The following CACNA1A variants were observed in gnomAD, a reference collection of about 807,000 sequenced individuals.
CACNA1A encodes calcium voltage-gated channel subunit alpha1 A, also known as voltage-dependent P/Q-type calcium channel subunit alpha-1A.
In CACNA1A, 57 loss-of-function variants were observed where a neutral mutation model predicts 262.4. That is an observed-to-expected ratio of 0.22 (90% confidence interval 0.18 to 0.27). The LOEUF is 0.27. Among genes scored for constraint, CACNA1A ranks in the 10% least tolerant of loss-of-function variants. The pLI is 1.00. For missense variants in CACNA1A, 2,526 were observed against 3,562.8 expected, an observed-to-expected ratio of 0.71 and a Z score of 7.41; for synonymous variants, 1,431 against 1,419.3, an observed-to-expected ratio of 1.01 and a Z score of -0.18.
chr19:13,321,681 T>C (rs1301631879), intron 10 of CACNA1A, among the ~76,000 whole-genome samples: 1 of 150,924 alleles, frequency 6.6e-6, no homozygotes, highest in Non-Finnish European at 1.5e-5. Flanking sequence ...TATCTAAACA[T>C]AGAAAAGGTA....
At chr19:13,386,391 G>A (rs887602420) in intron 3 of CACNA1A, among the ~76,000 whole-genome samples, 2 of 152,214 alleles carry the variant, frequency 1.3e-5, no homozygotes, top group South Asian at 4.1e-4. Flanking sequence ...TTTTTTCCCC[G>A]TGAGATGAGT....
chr19:13,378,323 A>G (rs1319639689), intron 3 of CACNA1A, among the ~76,000 whole-genome samples: 1 of 152,220 alleles, frequency 6.6e-6, no homozygotes, highest in African/African-American at 2.4e-5. Flanking sequence ...ACAACATGAG[A>G]TTTAGAATAT....
At chr19:13,397,165 G>C (rs946610882) in intron 3 of CACNA1A, among the ~76,000 whole-genome samples, 3 of 152,168 alleles carry the variant, frequency 2.0e-5, no homozygotes, top group African/African-American at 4.8e-5. Context: ...CTGCCCACCT[G>C]AAGACCTTGA....
In CACNA1A at chr19:13,304,140, A is replaced by G. The variant is rs147188028; in HGVS notation, c.1987-256T>C. 5.4e-3 allele frequency among the ~76,000 whole-genome samples: 825 copies of G among 152,194 alleles called. 12 individuals are homozygous for G. The highest frequency in any genetic ancestry group is 0.019 in the African/African-American group (799 of 41,520). ...AGGAAAATGGGACCCTGGAGGAGTC[A>G]CAGACCCTCCTGTAACTCTGTCTTA... On this transcript the variant is annotated intron_variant, in intron 15 of 46. Coordinates refer to ENST00000360228, the MANE Select transcript of CACNA1A (RefSeq NM_001127222.2).
intron 19 of CACNA1A, among the ~76,000 whole-genome samples, chr19:13,296,103 A>C (rs1299395040): frequency 6.6e-6 from 1 of 152,164 alleles, no homozygotes; most frequent in Non-Finnish European, 1.5e-5. Context: ...TGTCCTCCAG[A>C]GTCTCATTAC....
intron 3 of CACNA1A, among the ~76,000 whole-genome samples, chr19:13,374,927 T>G (rs1398025263): frequency 6.6e-6 from 1 of 152,186 alleles, no homozygotes; most frequent in Non-Finnish European, 1.5e-5. Context: ...TGCCTTGGCC[T>G]CCCAAAGTGC....
At chr19:13,443,783 G>A (rs2060764961) in intron 3 of CACNA1A, among the ~76,000 whole-genome samples, 1 of 152,140 alleles carries the variant, frequency 6.6e-6, no homozygotes, top group African/African-American at 2.4e-5. Context: ...CACAGGCCCA[G>A]TATTATTCTA....
chr19:13,417,154 A>T (rs1423704494), intron 3 of CACNA1A, among the ~76,000 whole-genome samples: 1 of 152,162 alleles, frequency 6.6e-6, no homozygotes, highest in Non-Finnish European at 1.5e-5. Flanking sequence ...CCACTCGTCC[A>T]GGTCAGAAAG....
intron 19 of CACNA1A, among the ~76,000 whole-genome samples, chr19:13,288,232 TTTC>T (rs1050657913): frequency 6.8e-6 from 1 of 146,554 alleles, no homozygotes; most frequent in African/African-American, 2.5e-5. Flanking sequence ...TTTCTTTCTT[TTTC>T]TTTTTTCTTT....
In CACNA1A at chr19:13,365,456, G is replaced by A; in HGVS notation, c.645C>T (p.Val215=). 6.2e-7 allele frequency: 1 copy of A among 1,613,676 alleles called. No individual in the cohort carries two copies. The highest frequency in any genetic ancestry group is 8.5e-7 in the Non-Finnish European group (1 of 1,179,748). ...LVSGIPSLQV[V]LKSIMKAMIP... Reference sequence around the variant, plus strand: ...TCATCGCCTTCATGATCGACTTCAGGACGACTTGTAAACCTGGGGGGACAC... The same window carrying A: ...TCATCGCCTTCATGATCGACTTCAGAACGACTTGTAAACCTGGGGGGACAC... The change falls in exon 5 of 47, where the codon GTC becomes GTT. Residue 215 remains valine (V), a synonymous_variant. Transcript: ENST00000360228.
intron 28 of CACNA1A, among the ~76,000 whole-genome samples, chr19:13,255,665 C>CTT: frequency 6.7e-6 from 1 of 150,248 alleles, no homozygotes; most frequent in African/African-American, 2.5e-5. Flanking sequence ...TTCCTCCCTC[C>CTT]CTCGCTCCCT....
At position 13,207,568 on chromosome 19, in the gene CACNA1A, G is replaced by A. The variant is rs2054613145; in HGVS notation, c.7266C>T (p.Gly2422=). 2.7e-6 allele frequency: 4 copies of A among 1,471,538 alleles called. No individual in the cohort carries two copies. Among genetic ancestry groups the A allele is most frequent in the Admixed American group, 2.3e-5 (1 of 43,608 alleles). The allele number at this position is 1,471,538 out of a possible 1,614,324, so 91.2% of individuals were successfully genotyped here. Residue 2422 remains glycine (G), a synonymous_variant, in exon 47 of 47, where the codon GGC becomes GGT. Coordinates refer to ENST00000360228, the MANE Select transcript of CACNA1A (RefSeq NM_001127222.2). This position sits in a 1 kb window ranked among gnomAD's most constrained non-coding sequence, Gnocchi z 5.7. ...CCATGGCCTCCTCGCCGCCCCCGCT[G>A]CCCGGGCCATCGGCCTCGTCGTAGT... ...GSDYDEADGP[G]SGGGEEAMAG... is the part of the protein sequence containing the mutation.
In CACNA1A at chr19:13,484,054, A is replaced by G. The variant is rs147919057; in HGVS notation, c.293+21878T>C. Among the ~76,000 whole-genome samples, 6 of 152,256 alleles carry G rather than the reference A, an allele frequency of 3.9e-5. No homozygotes were observed. In the East Asian group the frequency reaches 1.2e-3, roughly 29 times the overall value. ...TTTGGGGATTGGGTGTGTGAGCTTG[A>G]GTAATTGGGATTGGGCTGAAAGTCC... On this transcript the variant is annotated intron_variant, in intron 1 of 46. Transcript: ENST00000360228.
intron 10 of CACNA1A, among the ~76,000 whole-genome samples, chr19:13,321,619 G>A (rs1336903618): frequency 6.6e-6 from 1 of 152,108 alleles, no homozygotes; most frequent in African/African-American, 2.4e-5. Flanking sequence ...GCATGTTACT[G>A]TACTTAATAC....
At position 13,452,724 on chromosome 19, in the gene CACNA1A, G is replaced by T. The variant is rs74382623; in HGVS notation, c.539+152C>A. On this transcript the variant is annotated intron_variant, in intron 3 of 46. Coordinates refer to ENST00000360228, the MANE Select transcript of CACNA1A (RefSeq NM_001127222.2). ...TGTAATATACAGCTGAGACATGGAG[G>T]TGGGGTGTTGGCAGAAAGGAGGCAG... The T allele has an allele frequency of 0.017, 10,895 of 659,286 alleles. 127 individuals carry two copies. The highest frequency in any genetic ancestry group is 0.022 in the Non-Finnish European group (8,296 of 369,690). The allele number at this position is 659,286 out of a possible 1,614,324, so 40.8% of individuals were successfully genotyped here. A position where few individuals can be genotyped will look rare whatever the true frequency, so the allele number is the denominator to read the frequency against.
intron 1 of CACNA1A, among the ~76,000 whole-genome samples, chr19:13,473,271 G>C (rs1311010946): frequency 6.6e-6 from 1 of 151,260 alleles, no homozygotes; most frequent in East Asian, 1.9e-4. Context: ...AAAAAAGAGA[G>C]AGAGAGAAGA....
chr19:13,328,952 T>C (rs1273683844), intron 10 of CACNA1A, among the ~76,000 whole-genome samples: 1 of 152,086 alleles, frequency 6.6e-6, no homozygotes, highest in East Asian at 1.9e-4. Context: ...CCATCCTTTC[T>C]TCCTCTAAAC....
At chr19:13,438,495 G>T (rs1328807899) in intron 3 of CACNA1A, among the ~76,000 whole-genome samples, 2 of 152,238 alleles carry the variant, frequency 1.3e-5, no homozygotes, top group African/African-American at 2.4e-5. Context: ...ACTAGCTCAG[G>T]CTAGCCTGCT....
chr19:13,300,812 G>T (rs2057771305), intron 17 of CACNA1A, among the ~76,000 whole-genome samples, 156 bp from the exon 18 acceptor site: 1 of 152,100 alleles, frequency 6.6e-6, no homozygotes, highest in Non-Finnish European at 1.5e-5. Flanking sequence ...TTGGTTAAGT[G>T]TATTGCTATC....
Sources: allele counts gnomAD v4.1 joint callset (sites outside exome capture counted in the v4.1 genomes callset), GRCh38; gene constraint gnomAD v4.1.1; non-coding constraint Gnocchi (gnomAD v3.1); transcripts MANE v1.5; gene names NCBI Gene and HGNC (gene_info 2026-07-23, HGNC 2026-07-21).